The following SAMD5 variants were observed in gnomAD, a reference collection of about 807,000 sequenced individuals.
SAMD5 encodes sterile alpha motif domain-containing protein 5.
A neutral mutation model predicts 11.3 loss-of-function variants in SAMD5; 13 were observed. That is an observed-to-expected ratio of 1.15 (90% CI 0.75 to 1.83). The LOEUF (loss-of-function observed/expected upper bound fraction) is 1.83. Ranked by LOEUF, SAMD5 falls within the 40% of genes most tolerant of loss-of-function variation. The pLI, the probability that SAMD5 is intolerant of heterozygous loss-of-function variation, is 0.00. For synonymous variants in SAMD5, 129 were observed against 111.3 expected (o/e 1.16, Z -1.00); for missense variants, 255 against 239.1 (o/e 1.07, Z -0.44).
the SAMD5 span, among the ~76,000 whole-genome samples, chr6:147,800,065 A>G: frequency 2.0e-5 from 3 of 152,200 alleles, no homozygotes; most frequent in Non-Finnish European, 4.4e-5. Flanking sequence ...TTCTTCTCTC[A>G]GCTCGTCAAA....
chr6:147,612,678 C>T (rs533385740), intron 1 of SAMD5, among the ~76,000 whole-genome samples: 6 of 152,248 alleles, frequency 3.9e-5, no homozygotes, highest in African/African-American at 1.2e-4. Flanking sequence ...CTAGATTTGG[C>T]CTCAGAAACC....
At chr6:147,938,520 C>G in the SAMD5 span, among the ~76,000 whole-genome samples, 1 of 152,160 alleles carries the variant, frequency 6.6e-6, no homozygotes, top group Non-Finnish European at 1.5e-5. Flanking sequence ...TAAGCTGACA[C>G]TCTGGTCTTT....
intron 1 of SAMD5, among the ~76,000 whole-genome samples, chr6:147,550,336 A>G (rs1026539201): frequency 1.3e-5 from 2 of 152,168 alleles, no homozygotes; most frequent in Non-Finnish European, 2.9e-5. Context: ...TCTATGGAAA[A>G]CAGTACAGAG....
the SAMD5 span, among the ~76,000 whole-genome samples, chr6:147,950,672 T>C: frequency 3.0e-4 from 46 of 152,114 alleles, no homozygotes; most frequent in Non-Finnish European, 6.0e-4. Context: ...CAGGGTAAGC[T>C]CAGGTGTTGG....
intron 1 of SAMD5, among the ~76,000 whole-genome samples, chr6:147,644,006 GA>G (rs754271438): frequency 4.5e-4 from 69 of 152,100 alleles, no homozygotes; most frequent in Non-Finnish European, 8.5e-4. Flanking sequence ...TGACAAGTAG[GA>G]AAATTGGTAC....
At chr6:147,538,321 C>T (rs1788545691) in intron 1 of SAMD5, among the ~76,000 whole-genome samples, 1 of 152,142 alleles carries the variant, frequency 6.6e-6, no homozygotes, top group African/African-American at 2.4e-5. Context: ...TTTCATTACT[C>T]TTTTAGGTTA....
intron 1 of SAMD5, among the ~76,000 whole-genome samples, chr6:147,549,792 A>G (rs1256152622): frequency 6.6e-6 from 1 of 152,090 alleles, no homozygotes; most frequent in African/African-American, 2.4e-5. Context: ...GGAGCAAATT[A>G]TGTACTTCTA....
At chr6:147,747,218 T>C in the SAMD5 span, among the ~76,000 whole-genome samples, 1 of 152,204 alleles carries the variant, frequency 6.6e-6, no homozygotes, top group East Asian at 1.9e-4. Context: ...GGTGTTTCCT[T>C]ATCTATGTTT....
chr6:147,879,375 A>C, the SAMD5 span, among the ~76,000 whole-genome samples: 1 of 152,154 alleles, frequency 6.6e-6, no homozygotes, highest in Admixed American at 6.5e-5. Context: ...TGATTGACAG[A>C]TAGCTGCAAC....
chr6:147,619,753 G>T (rs1789929861), intron 1 of SAMD5, among the ~76,000 whole-genome samples: 1 of 152,176 alleles, frequency 6.6e-6, no homozygotes, highest in African/African-American at 2.4e-5. Flanking sequence ...CCATCATCAT[G>T]GTTACCCTGT....
chr6:147,736,002 G>A (rs990600054), intron 1 of SAMD5, among the ~76,000 whole-genome samples: 4 of 151,986 alleles, frequency 2.6e-5, no homozygotes, highest in East Asian at 3.9e-4. Context: ...TGTCTAGGTG[G>A]GTAGCTGTGA....
the SAMD5 span, among the ~76,000 whole-genome samples, chr6:147,769,559 A>C: frequency 1.3e-5 from 2 of 152,296 alleles, no homozygotes; most frequent in South Asian, 4.1e-4. Flanking sequence ...AGATTAATAG[A>C]TTATAATCAT....
At position 147,712,964 on chromosome 6, in the gene SAMD5, C is replaced by T. The variant is rs144768098; in HGVS notation, c.163-24353C>T. ...TTTTATAAACTATTATTCAAACCATCGGGAATGCAAAGCATTTTTTTCTCA... is the reference window on the plus strand; with the variant it reads ...TTTTATAAACTATTATTCAAACCATTGGGAATGCAAAGCATTTTTTTCTCA... On this transcript the variant is annotated intron_variant, in intron 1 of 1. Coordinates refer to the SAMD5 transcript ENST00000566741. Among the ~76,000 whole-genome samples the T allele has an allele frequency of 5.3e-4, 80 of 152,158 alleles. 1 individual carries two copies. The highest frequency in any genetic ancestry group is 1.5e-3 in the East Asian group (8 of 5,176).
At chr6:147,560,410 A>AT (rs1301149506) in intron 1 of SAMD5, among the ~76,000 whole-genome samples, 11 of 152,262 alleles carry the variant, frequency 7.2e-5, no homozygotes, top group South Asian at 6.2e-4. Flanking sequence ...ACTGTCATCA[A>AT]TTTTTTTGTT....
chr6:147,509,381 C>T lies in SAMD5; in HGVS notation c.453C>T (p.Ser151=). Residue 151 remains serine, a synonymous_variant, in exon 1 of 2, where the codon TCC becomes TCT. Transcript: ENST00000367474. ...DGIHLSKPPY[S]RKVPMAGILE... is the part of the protein sequence containing the mutation. ...TCCACCTGAGCAAGCCCCCGTACTC[C>T]CGCAAGGTAAGGAGGTGCCGTCCGG... The T allele has an allele frequency of 6.5e-7, 1 of 1,545,236 alleles. No homozygotes were observed. Among genetic ancestry groups the T allele is most frequent in the South Asian group, 1.2e-5 (1 of 82,352 alleles).
chr6:147,594,224 A>G (rs1281165149), intron 1 of SAMD5, among the ~76,000 whole-genome samples: 1 of 152,180 alleles, frequency 6.6e-6, no homozygotes, highest in Non-Finnish European at 1.5e-5. Context: ...GTGAATTGTC[A>G]ATAGCTGAGC....
the SAMD5 span, among the ~76,000 whole-genome samples, chr6:147,871,272 T>C: frequency 6.6e-6 from 1 of 152,284 alleles, no homozygotes; most frequent in African/African-American, 2.4e-5. Flanking sequence ...AATAAACTAA[T>C]ATTTTAGAGT....
the SAMD5 span, chr6:147,953,263 G>T: frequency 6.6e-6 from 1 of 151,352 alleles, no homozygotes; most frequent in African/African-American, 2.4e-5. Flanking sequence ...ACCAAAGGTG[G>T]TTTATTCAGC....
chr6:147,567,934 A>C lies in SAMD5; in HGVS notation c.*3478A>C, dbSNP rs9485199. On this transcript the variant is annotated 3_prime_UTR_variant, in exon 2 of 2. Transcript: ENST00000367474. ...AGATCCCGTCTCAAAACAAAACAAA[A>C]CAAAACAAAACAGCAAATTCATAAA... 7.1e-6 allele frequency: 7 copies of C among 985,996 alleles called. No homozygotes were observed. The highest frequency in any genetic ancestry group is 7.2e-6 in the Non-Finnish European group (6 of 830,504). 61.1% of individuals were successfully genotyped at this position (985,996 alleles called of 1,614,324 possible).
Sources: allele counts gnomAD v4.1 joint callset (sites outside exome capture counted in the v4.1 genomes callset), GRCh38; gene constraint gnomAD v4.1.1; transcripts MANE v1.5; gene names NCBI Gene and HGNC (gene_info 2026-07-23, HGNC 2026-07-21).